Variants in ARMC8 observed in about 807,000 individuals in gnomAD.
ARMC8 encodes the protein armadillo repeat containing 8, also known as armadillo repeat-containing protein 8.
In ARMC8, 20 loss-of-function variants were observed where a neutral mutation model predicts 99.3. That is an observed-to-expected ratio of 0.20 (90% confidence interval 0.14 to 0.29). ARMC8 has a LOEUF of 0.29. Among genes scored for constraint, ARMC8 ranks in the 10% least tolerant of loss-of-function variants. The pLI, the probability that ARMC8 is intolerant of heterozygous loss-of-function variation, is 1.00. For missense variants in ARMC8, 569 were observed against 809.5 expected, an observed-to-expected ratio of 0.70 and a Z score of 3.60; for synonymous variants, 263 against 278.3, an observed-to-expected ratio of 0.95 and a Z score of 0.55.
intron 1 of ARMC8, among the ~76,000 whole-genome samples, chr3:138,199,406 A>G (rs955972130): frequency 1.3e-5 from 2 of 152,174 alleles, no homozygotes; most frequent in African/African-American, 4.8e-5. Flanking sequence ...GAATGTAGGA[A>G]TTTTGGAATA....
chr3:138,216,851 A>G (rs140340272), intron 2 of ARMC8, among the ~76,000 whole-genome samples: 139 of 152,356 alleles, frequency 9.1e-4, no homozygotes, highest in African/African-American at 3.2e-3. Flanking sequence ...GAGCTGCTTC[A>G]GGTACGTGAA....
chr3:138,264,045 A>G lies in ARMC8; in HGVS notation c.1218-86A>G, dbSNP rs191038253. On this transcript the variant is annotated intron_variant, in intron 13 of 21. Coordinates refer to ENST00000469044, the MANE Select transcript of ARMC8 (RefSeq NM_001363941.2). The stretch of plus-strand genomic sequence containing the variant: ...CAATGTAGATATGCTTGAAGTGTAC[A>G]TTAGTCATTGTAAAATGCCAGCCAG... The G allele has an allele frequency of 3.2e-4, 394 of 1,233,832 alleles. 1 individual carries two copies. In the African/African-American group the frequency reaches 5.3e-3, roughly 17 times the overall value. 76.4% of individuals were successfully genotyped at this position (1,233,832 alleles called of 1,614,324 possible). A position where few individuals can be genotyped will look rare whatever the true frequency, so the allele number is the denominator to read the frequency against.
chr3:138,268,076 C>T (rs1380444107), intron 15 of ARMC8, among the ~76,000 whole-genome samples: 1 of 152,072 alleles, frequency 6.6e-6, no homozygotes, highest in Non-Finnish European at 1.5e-5. Flanking sequence ...AACCCCATCT[C>T]TGCTAAAAGT....
chr3:138,190,906 A>G (rs2043345108), intron 1 of ARMC8, among the ~76,000 whole-genome samples: 1 of 152,204 alleles, frequency 6.6e-6, no homozygotes, highest in Non-Finnish European at 1.5e-5. Flanking sequence ...ATTATGAATG[A>G]AGTATATAGG....
intron 2 of ARMC8, 139 bp downstream of exon 2, chr3:138,210,032 T>C (rs970724670): frequency 3.7e-6 from 2 of 544,222 alleles, no homozygotes; most frequent in Non-Finnish European, 3.2e-6. Context: ...CTGCTTGACA[T>C]TCATGACGTT....
intron 12 of ARMC8, among the ~76,000 whole-genome samples, chr3:138,249,067 ACTGT>A (rs2047009343): frequency 6.6e-6 from 1 of 152,184 alleles, no homozygotes; most frequent in African/African-American, 2.4e-5. Flanking sequence ...CATCTACAAC[ACTGT>A]CTGTGCATAG....
chr3:138,263,783 G>A lies in ARMC8; in HGVS notation c.1179G>A (p.Leu393=), dbSNP rs767475495. The A allele has an allele frequency of 1.2e-6, 2 of 1,613,088 alleles. No homozygotes were observed. The highest frequency in any genetic ancestry group is 1.1e-5 in the South Asian group (1 of 91,086). Residue 393 remains leucine, a synonymous_variant, in exon 13 of 22, where the codon TTG becomes TTA. Coordinates refer to ENST00000469044, the MANE Select transcript of ARMC8 (RefSeq NM_001363941.2). ...TGATGGACCGAATTGTGACTGGCTT[G>A]TCTGAGTCTAGTGTCAAGGTGCGGT... ...ENMMDRIVTG[L]SESSVKVRLA...
At chr3:138,255,197 T>TG (rs1411903757) in intron 12 of ARMC8, among the ~76,000 whole-genome samples, 1 of 145,020 alleles carries the variant, frequency 6.9e-6, no homozygotes, top group African/African-American at 2.7e-5. Flanking sequence ...TTCTGTTTTT[T>TG]TTTTTTTTGT....
intron 20 of ARMC8, among the ~76,000 whole-genome samples, chr3:138,289,867 GT>G (rs2050774589): frequency 6.6e-6 from 1 of 152,182 alleles, no homozygotes; most frequent in African/African-American, 2.4e-5. Flanking sequence ...GAGAGAGCCA[GT>G]ATATGAGTGG....
chr3:138,255,715 C>G (rs1262687812), intron 12 of ARMC8, among the ~76,000 whole-genome samples: 1 of 152,186 alleles, frequency 6.6e-6, no homozygotes, highest in Admixed American at 6.5e-5. Context: ...AGCGGTGACT[C>G]ACACCTATAA....
chr3:138,243,654 A>G (rs571982455), intron 11 of ARMC8, among the ~76,000 whole-genome samples: 71 of 152,222 alleles, frequency 4.7e-4, no homozygotes, highest in African/African-American at 1.6e-3. Flanking sequence ...TATGTAAAAT[A>G]TATATATTGT....
chr3:138,268,583 C>G (rs1346782057), intron 15 of ARMC8, among the ~76,000 whole-genome samples: 1 of 152,072 alleles, frequency 6.6e-6, no homozygotes, highest in African/African-American at 2.4e-5. Context: ...TAACTCCCAA[C>G]CGGGGCAACA....
chr3:138,235,091 C>T lies in ARMC8; in HGVS notation c.586C>T (p.Leu196=). ...NHGAVQNIAH[L]LTSLSYKVRM... ...CGGTGCAGTTCAGAATATTGCTCAC[C>T]TACTAACCTCACTGTCCTACAAAGT... The change falls in exon 7 of 22, where the codon CTA becomes TTA. Residue 196 remains leucine (L), a synonymous_variant. Coordinates refer to ENST00000469044, the MANE Select transcript of ARMC8 (RefSeq NM_001363941.2). The T allele has an allele frequency of 6.2e-7, 1 of 1,613,602 alleles. No individual in the cohort carries two copies. Among genetic ancestry groups the T allele is most frequent in the Non-Finnish European group, 8.5e-7 (1 of 1,179,692 alleles).
intron 1 of ARMC8, 148 bp from the exon 2 acceptor site, chr3:138,209,669 T>C: frequency 1.6e-6 from 1 of 638,908 alleles, no homozygotes; most frequent in Non-Finnish European, 2.8e-6. Context: ...GTATCCCATA[T>C]CATGAGGAGG....
chr3:138,269,265 C>T (rs1032515494), intron 15 of ARMC8, among the ~76,000 whole-genome samples: 15 of 152,122 alleles, frequency 9.9e-5, no homozygotes, highest in Admixed American at 8.5e-4. Context: ...ATCTGAATTG[C>T]TTCTGACGTT....
At chr3:138,258,550 T>C (rs2108240778) in intron 12 of ARMC8, among the ~76,000 whole-genome samples, 1 of 152,342 alleles carries the variant, frequency 6.6e-6, no homozygotes, top group East Asian at 1.9e-4. Context: ...ATTATCTGGA[T>C]TCTGCATTTT....
intron 6 of ARMC8, among the ~76,000 whole-genome samples, chr3:138,230,240 C>G (rs886732334): frequency 6.6e-6 from 1 of 152,122 alleles, no homozygotes; most frequent in African/African-American, 2.4e-5. Context: ...TGTTGCAACT[C>G]ACTTGCTTAA....
At chr3:138,255,191 G>GT (rs1285732985) in intron 12 of ARMC8, among the ~76,000 whole-genome samples, 2,270 of 125,376 alleles carry the variant, frequency 0.018, 21 homozygotes, top group African/African-American at 0.033. Context: ...GTTCTGTTCT[G>GT]TTTTTTTTTT....
At chr3:138,250,061 A>G (rs772160320) in intron 12 of ARMC8, among the ~76,000 whole-genome samples, 3 of 152,186 alleles carry the variant, frequency 2.0e-5, no homozygotes, top group Non-Finnish European at 4.4e-5. Context: ...GTCCAATCAC[A>G]GTGGCTTTAT....
Sources: allele counts gnomAD v4.1 joint callset (sites outside exome capture counted in the v4.1 genomes callset), GRCh38; gene constraint gnomAD v4.1.1; transcripts MANE v1.5; gene names NCBI Gene and HGNC (gene_info 2026-07-23, HGNC 2026-07-21).